The following ADGRL2 variants were observed in gnomAD, a reference collection of about 807,000 sequenced individuals.
ADGRL2 encodes adhesion G protein-coupled receptor L2, also known as calcium-independent alpha-latrotoxin receptor 2.
ADGRL2 carries 44 observed loss-of-function variants against 157.4 expected under a neutral mutation model. That is an observed-to-expected ratio of 0.28 (90% CI 0.22 to 0.36). ADGRL2 has a LOEUF of 0.36. Ranked by LOEUF, ADGRL2 falls within the 10% of genes least tolerant of loss-of-function variation. ADGRL2 has a pLI of 1.00. For missense variants in ADGRL2, 1,510 were observed against 1,768.9 expected, an observed-to-expected ratio of 0.85 and a Z score of 2.63; for synonymous variants, 585 against 624.7, an observed-to-expected ratio of 0.94 and a Z score of 0.95.
chr1:81,361,194 T>A (rs1197037142), intron 1 of ADGRL2, among the ~76,000 whole-genome samples: 1 of 151,942 alleles, frequency 6.6e-6, no homozygotes, highest in South Asian at 2.1e-4. Context: ...TCTCACAGTA[T>A]GTATTATTCC....
intron 1 of ADGRL2, among the ~76,000 whole-genome samples, chr1:81,700,966 A>T (rs929420010): frequency 6.6e-6 from 1 of 152,264 alleles, no homozygotes; most frequent in African/African-American, 2.4e-5. Context: ...GAGAGTTTGC[A>T]TGCAAATGCA....
At chr1:81,769,952 C>T (rs551317160) in intron 2 of ADGRL2, among the ~76,000 whole-genome samples, 1 of 152,088 alleles carries the variant, frequency 6.6e-6, no homozygotes, top group East Asian at 1.9e-4. Context: ...CAACCTCCAC[C>T]CCTCAGGTTC....
At chr1:81,552,156 A>G (rs530704226) in intron 2 of ADGRL2, among the ~76,000 whole-genome samples, 4 of 152,276 alleles carry the variant, frequency 2.6e-5, no homozygotes, top group African/African-American at 9.6e-5. Flanking sequence ...GTTGACTAAG[A>G]CCTTGAAGAG....
intron 1 of ADGRL2, among the ~76,000 whole-genome samples, chr1:81,400,150 G>T (rs1437752201): frequency 3.3e-5 from 5 of 152,010 alleles, no homozygotes; most frequent in Non-Finnish European, 7.4e-5. Context: ...AAGGGCTTTG[G>T]GGGGGTCCTT....
chr1:81,404,769 T>G (rs2076823678), intron 1 of ADGRL2, among the ~76,000 whole-genome samples: 1 of 152,224 alleles, frequency 6.6e-6, no homozygotes, highest in Non-Finnish European at 1.5e-5. Context: ...TTTCCTTCAT[T>G]TCTTACTCTT....
chr1:81,583,515 A>C (rs1365311983), intron 3 of ADGRL2, among the ~76,000 whole-genome samples: 3 of 152,138 alleles, frequency 2.0e-5, no homozygotes, highest in African/African-American at 7.2e-5. Flanking sequence ...CCTCTATAGA[A>C]AGCAATCCCT....
chr1:81,686,119 T>C (rs2083223738), intron 3 of ADGRL2, among the ~76,000 whole-genome samples: 1 of 152,168 alleles, frequency 6.6e-6, no homozygotes, highest in African/African-American at 2.4e-5. Flanking sequence ...TGTCCTTTCC[T>C]GGTTTTGGTA....
At chr1:81,598,751 G>A (rs78592692) in intron 3 of ADGRL2, among the ~76,000 whole-genome samples, 313 of 152,340 alleles carry the variant, frequency 2.1e-3, no homozygotes, top group African/African-American at 7.2e-3. Context: ...TCACATCAGT[G>A]GCACTCACGC....
chr1:81,683,392 T>C (rs775886333), intron 3 of ADGRL2, among the ~76,000 whole-genome samples: 11 of 152,198 alleles, frequency 7.2e-5, no homozygotes, highest in Non-Finnish European at 1.6e-4. Flanking sequence ...GGTGCATCCA[T>C]CAACCGAGCA....
At chr1:81,666,575 A>G (rs2082754485) in intron 3 of ADGRL2, among the ~76,000 whole-genome samples, 2 of 152,170 alleles carry the variant, frequency 1.3e-5, no homozygotes, top group Admixed American at 1.3e-4. Context: ...TAGTTCAACT[A>G]TTAAAGAATT....
At chr1:81,458,678 G>T (rs751365741) in intron 2 of ADGRL2, among the ~76,000 whole-genome samples, 1 of 152,198 alleles carries the variant, frequency 6.6e-6, no homozygotes, top group Non-Finnish European at 1.5e-5. Flanking sequence ...TTCCATGTTG[G>T]GCACCAGTGT....
At chr1:81,733,357 G>A (rs1431701208) in intron 1 of ADGRL2, among the ~76,000 whole-genome samples, 1 of 152,234 alleles carries the variant, frequency 6.6e-6, no homozygotes, top group East Asian at 1.9e-4. Context: ...CACGGTTCTG[G>A]AGGCTAGAAG....
At chr1:81,423,533 C>A (rs1042334195) in intron 1 of ADGRL2, among the ~76,000 whole-genome samples, 7 of 152,176 alleles carry the variant, frequency 4.6e-5, no homozygotes, top group African/African-American at 1.4e-4. Context: ...ACAAGTCAGT[C>A]ATGGGGACTC....
chr1:81,643,940 A>G (rs2082268199), intron 3 of ADGRL2, among the ~76,000 whole-genome samples: 1 of 152,194 alleles, frequency 6.6e-6, no homozygotes, highest in Non-Finnish European at 1.5e-5. Context: ...GAAGGAAGAG[A>G]ACAAAGTTGA....
At chr1:81,709,990 T>C (rs972837180) in intron 1 of ADGRL2, among the ~76,000 whole-genome samples, 1 of 152,212 alleles carries the variant, frequency 6.6e-6, no homozygotes, top group Non-Finnish European at 1.5e-5. Context: ...TGATTAATCA[T>C]GGCTGAACAA....
At chr1:81,833,256 G>A (rs2092073776) in intron 1 of ADGRL2, among the ~76,000 whole-genome samples, 1 of 152,152 alleles carries the variant, frequency 6.6e-6, no homozygotes, top group Non-Finnish European at 1.5e-5. Context: ...CACAGCATTA[G>A]TGCATAATAA....
At chr1:81,443,437 CAAA>C (rs199968094) in intron 1 of ADGRL2, among the ~76,000 whole-genome samples, 1 of 117,866 alleles carries the variant, frequency 8.5e-6, no homozygotes, top group Non-Finnish European at 1.8e-5. Context: ...AACTCCATCT[CAAA>C]AAAAAAAAAA....
chr1:81,510,774 C>A (rs2079061601), intron 2 of ADGRL2, among the ~76,000 whole-genome samples: 1 of 152,164 alleles, frequency 6.6e-6, no homozygotes. Flanking sequence ...TATTAGTACA[C>A]ATGAACAGTT....
At chr1:81,582,574 T>C (rs2080937712) in intron 3 of ADGRL2, among the ~76,000 whole-genome samples, 1 of 151,770 alleles carries the variant, frequency 6.6e-6, no homozygotes, top group Non-Finnish European at 1.5e-5. Flanking sequence ...TGAGAAATAA[T>C]CATTTAAAGG....
Sources: gnomAD v4.1 joint callset for allele counts (sites outside exome capture counted in the v4.1 genomes callset) on GRCh38, gnomAD v4.1.1 for gene constraint, MANE v1.5 for transcripts, NCBI Gene and HGNC (gene_info 2026-07-23, HGNC 2026-07-21) for gene names.